ZZEF1: variants seen among roughly 807,000 people sequenced by gnomAD.
ZZEF1 encodes zinc finger ZZ-type and EF-hand domain-containing protein 1.
Under a neutral mutation model 342.8 loss-of-function variants are expected in ZZEF1, and 157 were observed. The ratio of observed to expected loss-of-function variants is 0.46; its 90% CI spans 0.40 to 0.52. The LOEUF (loss-of-function observed/expected upper bound fraction) is 0.52, where lower values mean the gene tolerates loss of function less well. ZZEF1 is among the 20% of genes least tolerant of loss of function. The pLI, the probability that ZZEF1 is intolerant of heterozygous loss-of-function variation, is 0.00. For missense variants in ZZEF1, 3,480 were observed against 3,725.6 expected, an observed-to-expected ratio of 0.93 and a Z score of 1.72; for synonymous variants, 1,505 against 1,429.1, an observed-to-expected ratio of 1.05 and a Z score of -1.20.
At chr17:4,108,386 G>T (rs2058245545) in intron 6 of ZZEF1, among the ~76,000 whole-genome samples, 1 of 152,168 alleles carries the variant, frequency 6.6e-6, no homozygotes, top group South Asian at 2.1e-4. Context: ...TAACTGACCT[G>T]TAATTTTCAA....
intron 37 of ZZEF1, among the ~76,000 whole-genome samples, chr17:4,046,647 T>C (rs2056920476): frequency 6.6e-6 from 1 of 152,180 alleles, no homozygotes; most frequent in Non-Finnish European, 1.5e-5. Context: ...AAGAGAGGAA[T>C]GAAACTGGGA....
At chr17:4,103,383 A>AC (rs1306829097) in intron 8 of ZZEF1, among the ~76,000 whole-genome samples, 1 of 151,712 alleles carries the variant, frequency 6.6e-6, no homozygotes, top group African/African-American at 2.4e-5. Context: ...TTTCTAAAAA[A>AC]AAAAAAATTT....
chr17:4,127,291 G>A (rs1567865228), intron 1 of ZZEF1, among the ~76,000 whole-genome samples: 2 of 152,136 alleles, frequency 1.3e-5, no homozygotes, highest in Admixed American at 6.5e-5. Flanking sequence ...GGCAAGTTAC[G>A]ATGCCCAGCT....
At chr17:4,067,522 C>A (rs2057424141) in intron 26 of ZZEF1, among the ~76,000 whole-genome samples, 1 of 151,516 alleles carries the variant, frequency 6.6e-6, no homozygotes. Context: ...TATAAAAATA[C>A]TAAAAGTAAA....
Position 4,112,597 on chromosome 17 carries a change from T to G in ZZEF1, c.1066+12A>C. On this transcript the variant is annotated intron_variant, in intron 5 of 54. Coordinates refer to ENST00000381638, the MANE Select transcript of ZZEF1 (RefSeq NM_015113.4). ...TTGCTTTTCCCTATCCCCTCAGTTC[T>G]GTTGGACTTACAGAGCTGACTGACG... 6.2e-7 allele frequency: 1 copy of G among 1,613,980 alleles called. No individual in the cohort carries two copies. The highest frequency in any genetic ancestry group is 8.5e-7 in the Non-Finnish European group (1 of 1,179,930).
In ZZEF1 at chr17:4,078,060, A is replaced by C; in HGVS notation, c.2830-18T>G. The C allele has an allele frequency of 6.2e-7, 1 of 1,606,578 alleles. No homozygotes were observed. Among genetic ancestry groups the C allele is most frequent in the Non-Finnish European group, 8.5e-7 (1 of 1,174,844 alleles). ...AGCTCGCACTACAAGGGAGGAGACAAACAGAAAGTGTTCGTGACAAGGCCA... is the reference window on the plus strand; with the variant it reads ...AGCTCGCACTACAAGGGAGGAGACACACAGAAAGTGTTCGTGACAAGGCCA... On this transcript the variant is annotated intron_variant, in intron 18 of 54. Transcript: ENST00000381638.
At chr17:4,083,303 TA>T (rs2057758410) in intron 16 of ZZEF1, among the ~76,000 whole-genome samples, 2 of 152,204 alleles carry the variant, frequency 1.3e-5, no homozygotes, top group Non-Finnish European at 2.9e-5. Context: ...GCTTGGAAAT[TA>T]ATCATTTGCT....
At chr17:4,107,850 A>G (rs1361982602) in intron 6 of ZZEF1, among the ~76,000 whole-genome samples, 4 of 152,240 alleles carry the variant, frequency 2.6e-5, no homozygotes, top group Admixed American at 2.6e-4. Flanking sequence ...CCTGATTCAG[A>G]AAAATGGCTG....
intron 37 of ZZEF1, among the ~76,000 whole-genome samples, chr17:4,047,195 A>G (rs2056936087): frequency 6.6e-6 from 1 of 152,240 alleles, no homozygotes; most frequent in East Asian, 1.9e-4. Context: ...GTCCCATTTC[A>G]ATCCTGAAGC....
intron 29 of ZZEF1, 86 bp downstream of exon 29, chr17:4,064,275 T>C (rs1302282139): frequency 3.8e-6 from 4 of 1,057,508 alleles, no homozygotes; most frequent in Non-Finnish European, 5.5e-6. Context: ...ATTTGTTCGT[T>C]TTTAACATGA....
In ZZEF1 at chr17:4,066,511, G is replaced by A; in HGVS notation, c.4185C>T (p.Ser1395=). 1 of 1,614,070 alleles carries A rather than the reference G, an allele frequency of 6.2e-7. No homozygotes were observed. Among genetic ancestry groups the A allele is most frequent in the Non-Finnish European group, 8.5e-7 (1 of 1,180,016 alleles). Residue 1395 remains serine, a synonymous_variant, in exon 28 of 55, where the codon AGC becomes AGT. Coordinates refer to ENST00000381638, the MANE Select transcript of ZZEF1 (RefSeq NM_015113.4). ...MLEMKQKSLM[S]LGNEAEEKHS... Reference sequence around the variant, plus strand: ...GTTTTTCTTCTGCTTCATTCCCCAGGCTCATCAGGGACTTCTGCTTCATCT... The same window carrying A: ...GTTTTTCTTCTGCTTCATTCCCCAGACTCATCAGGGACTTCTGCTTCATCT...
At chr17:4,012,317 C>T (rs939972856) in intron 52 of ZZEF1, among the ~76,000 whole-genome samples, 20 of 152,348 alleles carry the variant, frequency 1.3e-4, no homozygotes, top group Admixed American at 2.6e-4. Context: ...TCTCTCTCCA[C>T]GCTGCTTATG....
chr17:4,054,887 T>A (rs946071645), intron 33 of ZZEF1, among the ~76,000 whole-genome samples: 1 of 152,100 alleles, frequency 6.6e-6, no homozygotes, highest in Non-Finnish European at 1.5e-5. Flanking sequence ...GTAGGCGGGA[T>A]GGTGAAAGGT....
intron 46 of ZZEF1, among the ~76,000 whole-genome samples, chr17:4,018,437 T>TA (rs957916420): frequency 6.6e-5 from 10 of 151,714 alleles, no homozygotes; most frequent in South Asian, 2.1e-4. Context: ...CTTTTTTTTT[T>TA]AAATTTAACA....
intron 12 of ZZEF1, 73 bp downstream of exon 12, chr17:4,090,646 C>A: frequency 2.4e-6 from 3 of 1,232,616 alleles, no homozygotes; most frequent in Admixed American, 1.7e-5. Context: ...TGGCACAGGG[C>A]TGATACACAA....
At chr17:4,131,646 G>A (rs2058663999) in intron 1 of ZZEF1, among the ~76,000 whole-genome samples, 1 of 151,992 alleles carries the variant, frequency 6.6e-6, no homozygotes, top group Non-Finnish European at 1.5e-5. Flanking sequence ...CAGGCGTGGT[G>A]GTATGCACCT....
In ZZEF1 at chr17:4,051,988, C is replaced by A. The variant is rs61747106; in HGVS notation, c.5583G>T (p.Ala1861=). 7.4e-6 allele frequency: 12 copies of A among 1,613,742 alleles called. No individual in the cohort carries two copies. Among genetic ancestry groups the A allele is most frequent in the Non-Finnish European group, 1.0e-5 (12 of 1,179,872 alleles). The change falls in exon 35 of 55, where the codon GCG becomes GCT. Residue 1861 remains alanine (A), a synonymous_variant. Transcript: ENST00000381638. ...AGACATACCCGTAGGAGTATTTCTTCGCTGCATAGCATCCGTAGCAAAGAT... is the reference window on the plus strand; with the variant it reads ...AGACATACCCGTAGGAGTATTTCTTAGCTGCATAGCATCCGTAGCAAAGAT... ...DFDLCYGCYA[A]KKYSYGHLPT...
At chr17:4,088,965 C>A in intron 12 of ZZEF1, 72 bp from the exon 13 acceptor site, 1 of 1,461,874 alleles carries the variant, frequency 6.8e-7, no homozygotes, top group Non-Finnish European at 9.3e-7. Flanking sequence ...GGGAAAAAGG[C>A]CTTTCCGGGA....
chr17:4,138,321 T>C (rs1454009890), intron 1 of ZZEF1, among the ~76,000 whole-genome samples: 1 of 152,188 alleles, frequency 6.6e-6, no homozygotes, highest in Non-Finnish European at 1.5e-5. Context: ...TCTAAATTAG[T>C]TGATTAATAC....
Sources: gnomAD v4.1 joint callset for allele counts (sites outside exome capture counted in the v4.1 genomes callset) on GRCh38, gnomAD v4.1.1 for gene constraint, MANE v1.5 for transcripts, NCBI Gene and HGNC (gene_info 2026-07-23, HGNC 2026-07-21) for gene names.